VPS11: variants seen among roughly 807,000 people sequenced by gnomAD.
The protein encoded by VPS11 is vacuolar protein sorting-associated protein 11 homolog.
VPS11 carries 51 observed loss-of-function variants against 106.8 expected under a neutral mutation model. The observed-to-expected ratio is 0.48, with a 90% CI of 0.38 to 0.60. The LOEUF (loss-of-function observed/expected upper bound fraction) is 0.60. VPS11 is among the 20% of genes least tolerant of loss of function. The pLI is 0.00. For synonymous variants in VPS11, 453 were observed against 458.7 expected (o/e 0.99, Z 0.16); for missense variants, 950 against 1,190.0 (o/e 0.80, Z 2.97).
chr11:119,069,979 CAA>C (rs1482518357), intron 3 of VPS11, among the ~76,000 whole-genome samples: 4 of 82,858 alleles, frequency 4.8e-5, no homozygotes, highest in African/African-American at 1.7e-4. Flanking sequence ...GCCTGGGCAA[CAA>C]GAGCAAAACT....
At chr11:119,068,714 G>A (rs1444796341) in intron 1 of VPS11, among the ~76,000 whole-genome samples, 1 of 150,978 alleles carries the variant, frequency 6.6e-6, no homozygotes, top group East Asian at 1.9e-4. Flanking sequence ...CCAAAGTGCT[G>A]GGATTACAGG....
intron 7 of VPS11, 181 bp from the exon 8 acceptor site, chr11:119,076,716 G>T (rs1423262413): frequency 1.0e-5 from 7 of 687,470 alleles, no homozygotes; most frequent in Middle Eastern, 4.0e-4. Flanking sequence ...ACCCAGTGTG[G>T]TCCACAGTCT....
At chr11:119,075,621 G>A (rs1374015748) in intron 7 of VPS11, among the ~76,000 whole-genome samples, 4 of 151,798 alleles carry the variant, frequency 2.6e-5, no homozygotes, top group Admixed American at 2.6e-4. Context: ...GGAGGCTGAG[G>A]CAGGTGGATC....
chr11:119,079,956 C>T (rs1272066890), intron 14 of VPS11, among the ~76,000 whole-genome samples: 1 of 152,218 alleles, frequency 6.6e-6, no homozygotes, highest in African/African-American at 2.4e-5. Context: ...AAATATTGAG[C>T]CTCTGTGGTG....
rs1047946895 is a variant in VPS11, at chr11:119,081,695, T to C, written c.*72T>C. ...GACACAATGGGACCTGGGCGGGCGT[T>C]ACACAGAAGGCTGGCTGACATGCCC... On this transcript the variant is annotated 3_prime_UTR_variant, in exon 16 of 16. Coordinates refer to ENST00000621676, the MANE Select transcript of VPS11 (RefSeq NM_021729.6). 33 of 1,553,926 alleles carry C rather than the reference T, an allele frequency of 2.1e-5. 1 individual carries two copies. The Middle Eastern group carries it at 1.2e-3, about 55-fold the overall frequency.
chr11:119,067,917 A>C lies in VPS11; in HGVS notation c.94A>C (p.Thr32Pro). The change falls in exon 1 of 16, where the codon ACA (threonine) becomes CCA (proline). Residue 32 changes from threonine (T) to proline (P), a missense_variant. Thr to Pro is a conservative substitution (Grantham distance 38). Transcript: ENST00000621676. ...LSNDGAAPGA[T>P]PASGSAASKF... ...CAATGATGGGGCCGCTCCCGGGGCC[A>C]CACCTGCTTCTGGATCCGCTGCTTC... The C allele has an allele frequency of 6.2e-7, 1 of 1,609,764 alleles. No individual in the cohort carries two copies. The highest frequency in any genetic ancestry group is 8.5e-7 in the Non-Finnish European group (1 of 1,178,048).
At chr11:119,071,550 T>G (rs1320524743) in intron 4 of VPS11, 46 bp from the exon 5 acceptor site, 2 of 1,601,838 alleles carry the variant, frequency 1.2e-6, no homozygotes, top group Non-Finnish European at 1.7e-6. Flanking sequence ...AGGCTTAGAG[T>G]TACCTCCTCA....
In VPS11 at chr11:119,077,020, C is replaced by G; in HGVS notation, c.1362C>G (p.Thr454=). The change falls in exon 8 of 16, where the codon ACC becomes ACG. Residue 454 remains threonine (T), a synonymous_variant. Coordinates refer to ENST00000621676, the MANE Select transcript of VPS11 (RefSeq NM_021729.6). ...AATCCCTGGCCAATGCCGACCATAC[C>G]ACCCTGCTCCTCAACTGCTATACCA... ...HRQSLANADH[T]TLLLNCYTKL... is the part of the protein sequence containing the mutation. The G allele has an allele frequency of 6.2e-7, 1 of 1,613,868 alleles. No homozygotes were observed. The highest frequency in any genetic ancestry group is 8.5e-7 in the Non-Finnish European group (1 of 1,179,836).
At position 119,078,681 on chromosome 11, in the gene VPS11, T is replaced by G. The variant is rs1565743992; in HGVS notation, c.2040T>G (p.Leu680=). The G allele has an allele frequency of 1.2e-6, 2 of 1,612,810 alleles. No homozygotes were observed. Among genetic ancestry groups the G allele is most frequent in the South Asian group, 2.2e-5 (2 of 90,952 alleles). The change falls in exon 12 of 16, where the codon CTT becomes CTG. Residue 680 remains leucine, a synonymous_variant. Transcript: ENST00000621676. ...TGCACGACTTCCAGGATGGTGTCCT[T>G]TACCTTTATGAGCAGGGGAAGCTGT... ...CQMHDFQDGV[L]YLYEQGKLFQ... is the part of the protein sequence containing the mutation.
At chr11:119,080,922 G>C (rs910382740) in intron 14 of VPS11, among the ~76,000 whole-genome samples, 170 bp from the exon 15 acceptor site, 5 of 152,192 alleles carry the variant, frequency 3.3e-5, no homozygotes, top group Non-Finnish European at 7.3e-5. Context: ...GCAGGTCCAG[G>C]GCTGTTGTAT....
chr11:119,078,402 C>A, intron 11 of VPS11, 68 bp downstream of exon 11: 1 of 1,584,784 alleles, frequency 6.3e-7, no homozygotes. Context: ...GTCTTGGTGG[C>A]TGCCTTTCAC....
intron 8 of VPS11, 23 bp from the exon 9 acceptor site, chr11:119,077,478 T>A: frequency 6.2e-6 from 10 of 1,610,236 alleles, no homozygotes; most frequent in Non-Finnish European, 8.5e-6. Context: ...TGTAAATGAT[T>A]TTGTCTCATG....
At position 119,079,118 on chromosome 11, in the gene VPS11, C is replaced by G; in HGVS notation, c.2267-11C>G. 1 of 1,613,092 alleles carries G rather than the reference C, an allele frequency of 6.2e-7. No individual in the cohort carries two copies. The highest frequency in any genetic ancestry group is 8.5e-7 in the Non-Finnish European group (1 of 1,179,194). ...TTGATTGTCTTGTTTCCTCTTGGAC[C>G]CCAATCTCAGTGGTGCAGACCCTGG... On this transcript the variant is annotated splice_polypyrimidine_tract_variant and intron_variant, in intron 13 of 15. Coordinates refer to ENST00000621676, the MANE Select transcript of VPS11 (RefSeq NM_021729.6).
In VPS11 at chr11:119,072,979, T is replaced by C. The variant is rs2134761400; in HGVS notation, c.885-219T>C. 3 of 574,246 alleles carry C rather than the reference T, an allele frequency of 5.2e-6. No individual in the cohort carries two copies. The South Asian group carries it at 6.2e-5, about 12-fold the overall frequency. 35.6% of individuals were successfully genotyped at this position (574,246 alleles called of 1,614,324 possible). A position where few individuals can be genotyped will look rare whatever the true frequency, so the allele number is the denominator to read the frequency against. ...TATGTTAGTGTACTTAATTTTCTAA[T>C]CTGTTACTTGGGTTAATTGTAGGAT... On this transcript the variant is annotated intron_variant, in intron 5 of 15. Transcript: ENST00000621676.
At position 119,070,180 on chromosome 11, in the gene VPS11, T is replaced by A. The variant is rs543618501; in HGVS notation, c.473-54T>A. ...GCCTCAAGTGGTCTTTTTTCCCCTC[T>A]CCACTTCCTGATCTTTTCAGCCTTA... On this transcript the variant is annotated intron_variant, in intron 3 of 15. Transcript: ENST00000621676. 9 of 1,545,082 alleles carry A rather than the reference T, an allele frequency of 5.8e-6. No homozygotes were observed. The African/African-American group carries it at 8.2e-5, about 14-fold the overall frequency.
At chr11:119,069,400 T>A in intron 2 of VPS11, 42 bp from the exon 3 acceptor site, 1 of 1,613,790 alleles carries the variant, frequency 6.2e-7, no homozygotes, top group Non-Finnish European at 8.5e-7. Context: ...GATTTTTTGT[T>A]GGAGGATGAC....
chr11:119,081,017 T>G (rs1945828912), intron 14 of VPS11, 75 bp from the exon 15 acceptor site: 1 of 1,376,296 alleles, frequency 7.3e-7, no homozygotes, highest in East Asian at 2.3e-5. Context: ...GCACTTCAGC[T>G]GCCTTCTTTC....
chr11:119,073,803 C>T lies in VPS11; in HGVS notation c.1090C>T (p.Leu364=). The T allele has an allele frequency of 6.2e-7, 1 of 1,606,910 alleles. No individual in the cohort carries two copies. Residue 364 remains leucine (L), a synonymous_variant, in exon 7 of 16, where the codon CTG becomes TTG. Transcript: ENST00000621676. ...TCTAATCTCTCTTCCCTTCTAGATG[C>T]TGTTTAAGAAGAACCTATTTGAGAT... ...EKDTQTKLEM[L]FKKNLFEMAI... is the part of the protein sequence containing the mutation.
rs983396314 is a variant in VPS11 at position 119,079,510 on chromosome 11, G to A, written c.2438+210G>A. On this transcript the variant is annotated intron_variant, in intron 14 of 15. Coordinates refer to ENST00000621676, the MANE Select transcript of VPS11 (RefSeq NM_021729.6). ...TTTGGATGATATTATTTTGTAGCAG[G>A]TACTTTTTGTTCTTTATATGCCTGT... Among the ~76,000 whole-genome samples, 26 of 152,178 alleles carry A rather than the reference G, an allele frequency of 1.7e-4. 1 individual carries two copies. The highest frequency in any genetic ancestry group is 5.8e-4 in the East Asian group (3 of 5,198).
Sources: gnomAD v4.1 joint callset for allele counts (sites outside exome capture counted in the v4.1 genomes callset) on GRCh38, gnomAD v4.1.1 for gene constraint, MANE v1.5 for transcripts, NCBI Gene and HGNC (gene_info 2026-07-23, HGNC 2026-07-21) for gene names.